The following PCDH15 variants were observed in gnomAD, a reference collection of about 807,000 sequenced individuals.
The protein encoded by PCDH15 is protocadherin-15.
In PCDH15, 129 loss-of-function variants were observed where a neutral mutation model predicts 178.5. That is an observed-to-expected ratio of 0.72 (90% CI 0.63 to 0.84). PCDH15 has a LOEUF of 0.84. Among genes scored for constraint, PCDH15 ranks in the 40% least tolerant of loss-of-function variants. The pLI is 0.00. For missense variants in PCDH15, 2,230 were observed against 2,099.9 expected, an observed-to-expected ratio of 1.06 and a Z score of -1.21; for synonymous variants, 800 against 732.0, an observed-to-expected ratio of 1.09 and a Z score of -1.50.
chr10:55,603,863 CATA>C (rs1843144524), intron 2 of PCDH15, among the ~76,000 whole-genome samples: 1 of 148,346 alleles, frequency 6.7e-6, no homozygotes, highest in Admixed American at 6.7e-5. Flanking sequence ...CAGCTAACAT[CATA>C]ATGACAGGAT....
At chr10:54,089,091 G>C (rs10825228) in intron 16 of PCDH15, among the ~76,000 whole-genome samples, 50,121 of 152,030 alleles carry the variant, frequency 0.33, 8,886 homozygotes, top group Middle Eastern at 0.46. Context: ...TAGTTTCCCA[G>C]GCATTACTAA....
intron 18 of PCDH15, among the ~76,000 whole-genome samples, chr10:54,058,123 C>T (rs1485282337): frequency 2.6e-5 from 4 of 152,124 alleles, no homozygotes; most frequent in Non-Finnish European, 5.9e-5. Context: ...ACCAAACTTT[C>T]CCACATTTTC....
chr10:55,555,718 G>T (rs996054986), intron 2 of PCDH15, among the ~76,000 whole-genome samples: 1 of 152,084 alleles, frequency 6.6e-6, no homozygotes, highest in Non-Finnish European at 1.5e-5. Context: ...TAATGAGGGT[G>T]CTTAGTGGAT....
intron 2 of PCDH15, among the ~76,000 whole-genome samples, chr10:55,164,793 C>A (rs1839154415): frequency 6.6e-6 from 1 of 151,968 alleles, no homozygotes; most frequent in Non-Finnish European, 1.5e-5. Context: ...TCAAAATGGC[C>A]TCATCATTAT....
chr10:53,868,599 A>G (rs1054685669), intron 26 of PCDH15, among the ~76,000 whole-genome samples: 1 of 152,168 alleles, frequency 6.6e-6, no homozygotes, highest in African/African-American at 2.4e-5. Flanking sequence ...ATGAAAGACT[A>G]CATAATAAGT....
chr10:55,011,951 C>T (rs539120794), intron 2 of PCDH15, among the ~76,000 whole-genome samples: 2 of 151,996 alleles, frequency 1.3e-5, no homozygotes, highest in South Asian at 4.1e-4. Flanking sequence ...TCCAGAACAT[C>T]CAAACAATAC....
chr10:55,593,205 T>C (rs1417909345), intron 2 of PCDH15, among the ~76,000 whole-genome samples: 1 of 152,034 alleles, frequency 6.6e-6, no homozygotes, highest in African/African-American at 2.4e-5. Context: ...GGTATGTTAT[T>C]AAAGAAGATA....
At chr10:55,140,874 G>A (rs1838334927) in intron 2 of PCDH15, among the ~76,000 whole-genome samples, 1 of 151,894 alleles carries the variant, frequency 6.6e-6, no homozygotes, top group Non-Finnish European at 1.5e-5. Context: ...ATTGACATGT[G>A]CATAGTTGTT....
chr10:55,336,378 G>A (rs1252956640), intron 2 of PCDH15, among the ~76,000 whole-genome samples: 1 of 151,968 alleles, frequency 6.6e-6, no homozygotes, highest in Non-Finnish European at 1.5e-5. Flanking sequence ...CCCACCTGTA[G>A]TCCCAACTAC....
At chr10:54,595,836 G>A (rs540032636) in intron 2 of PCDH15, among the ~76,000 whole-genome samples, 87 of 152,142 alleles carry the variant, frequency 5.7e-4, no homozygotes, top group Non-Finnish European at 1.1e-3. Flanking sequence ...ATTGTATTAA[G>A]AGAAGAATAC....
intron 2 of PCDH15, among the ~76,000 whole-genome samples, chr10:54,580,116 A>G (rs1050543228): frequency 6.6e-6 from 1 of 152,042 alleles, no homozygotes. Flanking sequence ...AGAAATAACT[A>G]AAATCAGAGC....
At chr10:54,046,150 G>A (rs763359121) in intron 18 of PCDH15, among the ~76,000 whole-genome samples, 9 of 152,078 alleles carry the variant, frequency 5.9e-5, no homozygotes, top group African/African-American at 9.7e-5. Flanking sequence ...CACTGAAACC[G>A]TAACAAGGTG....
chr10:55,107,982 T>C (rs1385479069), intron 2 of PCDH15, among the ~76,000 whole-genome samples: 6 of 152,120 alleles, frequency 3.9e-5, no homozygotes, highest in Admixed American at 6.6e-5. Flanking sequence ...TGGAAGGCAA[T>C]TGGGTTTGAA....
chr10:53,884,787 GT>G (rs1425288068), intron 26 of PCDH15, among the ~76,000 whole-genome samples: 3 of 152,084 alleles, frequency 2.0e-5, no homozygotes, highest in African/African-American at 7.2e-5. Flanking sequence ...TAAATTTCAT[GT>G]TGAAAGATAA....
chr10:55,624,553 G>T (rs1332272986), intron 2 of PCDH15, among the ~76,000 whole-genome samples: 1 of 152,122 alleles, frequency 6.6e-6, no homozygotes, highest in East Asian at 1.9e-4. Context: ...ATGTGATGCT[G>T]CACTGTTATT....
At chr10:55,369,010 C>CAA (rs60906060) in intron 2 of PCDH15, among the ~76,000 whole-genome samples, 16,397 of 85,618 alleles carry the variant, frequency 0.19, 903 homozygotes, top group Middle Eastern at 0.33. Flanking sequence ...TTTTTGGGAC[C>CAA]AAAAAAAAAA....
intron 21 of PCDH15, among the ~76,000 whole-genome samples, chr10:53,979,443 C>T (rs978911810): frequency 3.3e-5 from 5 of 152,180 alleles, no homozygotes; most frequent in Non-Finnish European, 7.3e-5. Context: ...AACTACGGTT[C>T]AAGATGAGAT....
At chr10:53,960,950 T>C (rs982048926) in intron 22 of PCDH15, among the ~76,000 whole-genome samples, 1 of 152,232 alleles carries the variant, frequency 6.6e-6, no homozygotes, top group African/African-American at 2.4e-5. Flanking sequence ...ATGCAAATTA[T>C]TGTTTTAATA....
intron 1 of PCDH15, among the ~76,000 whole-genome samples, chr10:54,749,017 T>C (rs1290720078): frequency 1.3e-5 from 2 of 152,184 alleles, no homozygotes; most frequent in Admixed American, 1.3e-4. Context: ...CATTATTTTA[T>C]AAAGGTGAGT....
Sources: allele counts gnomAD v4.1 joint callset (sites outside exome capture counted in the v4.1 genomes callset), GRCh38; gene constraint gnomAD v4.1.1; transcripts MANE v1.5; gene names NCBI Gene and HGNC (gene_info 2026-07-23, HGNC 2026-07-21).